The following ZIC3 variants were observed in gnomAD, a reference collection of about 807,000 sequenced individuals.
The protein encoded by ZIC3 is zinc finger protein ZIC 3.
ZIC3 carries 6 observed loss-of-function variants against 18.3 expected under a neutral mutation model. That is an observed-to-expected ratio of 0.33 (90% CI 0.18 to 0.65). The LOEUF is 0.65. Ranked by LOEUF, ZIC3 falls within the 30% of genes least tolerant of loss-of-function variation. The probability of loss-of-function intolerance (pLI) is 0.75; values close to 1 mark genes in which losing one functional copy is unlikely to be tolerated. For synonymous variants in ZIC3, 175 were observed against 177.0 expected, an observed-to-expected ratio of 0.99 and a Z score of 0.09; for missense variants, 260 against 410.0, an observed-to-expected ratio of 0.63 and a Z score of 3.16.
intron 2 of ZIC3, 110 bp from the exon 3 acceptor site, chrX:137,569,781 T>G: frequency 1.4e-6 from 1 of 725,850 alleles, no homozygotes. Context: ...TTCTTTTAAG[T>G]GGGTCACTGG....
At position 137,566,609 on chromosome X, in the gene ZIC3, A is replaced by T; in HGVS notation, c.-83A>T. On this transcript the variant is annotated 5_prime_UTR_variant, in exon 1 of 3. Transcript: ENST00000287538. ...GTCCAACCGCCGCCACCCCTTTCCGACTACGGCACTTCGGAGATCTCCTCC... is the reference window on the plus strand; with the variant it reads ...GTCCAACCGCCGCCACCCCTTTCCGTCTACGGCACTTCGGAGATCTCCTCC... The T allele has an allele frequency of 1.7e-6, 2 of 1,159,282 alleles. No individual in the cohort carries two copies. Among genetic ancestry groups the T allele is most frequent in the Non-Finnish European group, 2.3e-6 (2 of 874,486 alleles).
chrX:137,566,703 C>T lies in ZIC3; in HGVS notation c.12C>T (p.Leu4=). Reference sequence around the variant, plus strand: ...AGAACGTCCCACCCATGACGATGCTCCTGGACGGAGGCCCGCAGTTCCCTG... The same window carrying T: ...AGAACGTCCCACCCATGACGATGCTTCTGGACGGAGGCCCGCAGTTCCCTG... The part of the protein sequence containing the change: MTM[L]LDGGPQFPGL... Residue 4 remains leucine (L), a synonymous_variant, in exon 1 of 3, where the codon CTC becomes CTT. Coordinates refer to ENST00000287538, the MANE Select transcript of ZIC3 (RefSeq NM_003413.4). The T allele has an allele frequency of 8.3e-7, 1 of 1,200,712 alleles. No homozygotes were observed. Among genetic ancestry groups the T allele is most frequent in the Non-Finnish European group, 1.1e-6 (1 of 890,935 alleles).
At chrX:137,568,838 C>T (rs1044488433) in intron 1 of ZIC3, 64 bp from the exon 2 acceptor site, 2 of 1,177,273 alleles carry the variant, frequency 1.7e-6, no homozygotes, top group African/African-American at 3.6e-5. Flanking sequence ...TCTCCTGCTG[C>T]TTGCCTCTGA....
intron 1 of ZIC3, 42 bp from the exon 2 acceptor site, chrX:137,568,860 G>C: frequency 8.3e-7 from 1 of 1,206,001 alleles, no homozygotes; most frequent in Non-Finnish European, 1.1e-6. Flanking sequence ...AAACTCCGGC[G>C]CTGACCGTAT....
downstream of ZIC3, among the ~76,000 whole-genome samples, chrX:137,572,847 A>G (rs1931456894): frequency 9.0e-6 from 1 of 111,707 alleles, no homozygotes; most frequent in South Asian, 3.8e-4. Flanking sequence ...TTTACAGGAA[A>G]GTACTTGAGG....
At chrX:137,572,281 T>C (rs180812967), downstream of ZIC3, among the ~76,000 whole-genome samples, 4 of 112,671 alleles carry the variant, frequency 3.6e-5, no homozygotes, top group African/African-American at 9.6e-5. Context: ...CAGTTTCTAA[T>C]TGCAAATTGC....
At position 137,567,000 on chromosome X, in the gene ZIC3, C is replaced by G; in HGVS notation, c.309C>G (p.Ser103Arg). The change falls in exon 1 of 3, where the codon AGC becomes AGG. Residue 103 changes from serine to arginine, a missense_variant. By Grantham distance (110) the Ser-to-Arg change is moderately radical. This residue lies in a region of ZIC3 where 183 missense variants were observed against 223.8 expected (regional missense o/e 0.82). Coordinates refer to ENST00000287538, the MANE Select transcript of ZIC3 (RefSeq NM_003413.4). ...HHHHHTSQVPSYGGAASAAFN... is the reference protein window; with the variant it reads ...HHHHHTSQVPRYGGAASAAFN... ...ATCACCACACCAGCCAGGTGCCCAG[C>G]TACGGTGGCGCTGCCTCTGCCGCCT... 2 of 1,167,619 alleles carry G rather than the reference C, an allele frequency of 1.7e-6. No homozygotes were observed. The highest frequency in any genetic ancestry group is 2.3e-6 in the Non-Finnish European group (2 of 873,194).
intron 1 of ZIC3, among the ~76,000 whole-genome samples, chrX:137,568,496 G>A (rs779038105): frequency 8.9e-6 from 1 of 112,228 alleles, no homozygotes; most frequent in African/African-American, 3.2e-5. Flanking sequence ...GGCTGAACGG[G>A]ATTGTCCTGT....
At chrX:137,568,339 G>GATCGATCTATCTATCTATCT (rs1175249301) in intron 1 of ZIC3, among the ~76,000 whole-genome samples, 1 of 79,789 alleles carries the variant, frequency 1.3e-5, no homozygotes, top group Non-Finnish European at 2.5e-5. Context: ...TGGATCGATC[G>GATCGATCTATCTATCTATCT]ATCTATCTAT....
At chrX:137,573,763 G>GGAGGCGGCGAGGC, downstream of ZIC3, 1 of 113,450 alleles carries the variant, frequency 8.8e-6, no homozygotes, top group East Asian at 2.8e-4. Flanking sequence ...GGGCCGGGGC[G>GGAGGCGGCGAGGC]GAGGCGGCGA....
Position 137,566,678 on chromosome X carries a change from A to T in ZIC3, c.-14A>T, listed in dbSNP as rs745406810. 1.7e-5 allele frequency: 20 copies of T among 1,198,909 alleles called. No individual in the cohort carries two copies. The highest frequency in any genetic ancestry group is 2.2e-5 in the Non-Finnish European group (20 of 890,913). ...CACTTCGGCCGGATCGCCTGTGCCC[A>T]GAACGTCCCACCCATGACGATGCTC... On this transcript the variant is annotated 5_prime_UTR_variant, in exon 1 of 3. Transcript: ENST00000287538.
At position 137,567,216 on chromosome X, in the gene ZIC3, C is replaced by T; in HGVS notation, c.525C>T (p.Pro175=). 1 of 1,210,292 alleles carries T rather than the reference C, an allele frequency of 8.3e-7. No homozygotes were observed. The highest frequency in any genetic ancestry group is 1.1e-6 in the Non-Finnish European group (1 of 894,806). ...LHEQGAGHPS[P]TGHVDNNQVH... ...AGCAGGGCGCTGGGCACCCGTCGCC[C>T]ACAGGGCACGTGGACAACAACCAGG... Residue 175 remains proline (P), a synonymous_variant, in exon 1 of 3, where the codon CCC becomes CCT. Transcript: ENST00000287538.
In ZIC3 at chrX:137,566,794, A is replaced by G. The variant is rs780929975; in HGVS notation, c.103A>G (p.Met35Val). 3 of 1,177,031 alleles carry G rather than the reference A, an allele frequency of 2.5e-6. No individual in the cohort carries two copies. Among genetic ancestry groups the G allele is most frequent in the Admixed American group, 4.9e-5 (2 of 41,213 alleles). Residue 35 changes from methionine (M) to valine (V), a missense_variant, in exon 1 of 3, where the codon ATG becomes GTG. This residue lies in a region of ZIC3 where 183 missense variants were observed against 223.8 expected (regional missense o/e 0.82). Transcript: ENST00000287538. ...HEMPNREPAG[M>V]GLNPFGDSTH... Reference sequence around the variant, plus strand: ...GATGCCCAACCGTGAGCCGGCAGGCATGGGGCTGAATCCCTTCGGGGACTC... The same window carrying G: ...GATGCCCAACCGTGAGCCGGCAGGCGTGGGGCTGAATCCCTTCGGGGACTC...
At position 137,566,271 on chromosome X, in the gene ZIC3, G is replaced by C. The variant is rs1931336474; in HGVS notation, c.-421G>C. On this transcript the variant is annotated 5_prime_UTR_variant, in exon 1 of 3. Coordinates refer to ENST00000287538, the MANE Select transcript of ZIC3 (RefSeq NM_003413.4). ...CCGCCACTTGGCGCAGCCCAGCCCG[G>C]AGGCCGGTACCCAGGGAGCCTCCTG... 1 of 172,910 alleles carries C rather than the reference G, an allele frequency of 5.8e-6. No individual in the cohort carries two copies. The highest frequency in any genetic ancestry group is 3.0e-5 in the African/African-American group (1 of 32,792). The allele number at this position is 172,910 out of a possible 1,213,427, so 14.2% of individuals were successfully genotyped here. A position where few individuals can be genotyped will look rare whatever the true frequency, so the allele number is the denominator to read the frequency against.
rs768237552 is a variant in ZIC3, at chrX:137,567,156, G to A, written c.465G>A (p.Glu155=). The A allele has an allele frequency of 8.3e-7, 1 of 1,207,349 alleles. No individual in the cohort carries two copies. The highest frequency in any genetic ancestry group is 1.1e-6 in the Non-Finnish European group (1 of 892,744). Residue 155 remains glutamate (E), a synonymous_variant, in exon 1 of 3, where the codon GAG becomes GAA. Coordinates refer to ENST00000287538, the MANE Select transcript of ZIC3 (RefSeq NM_003413.4). The part of the protein sequence containing the change: ...SSLHAPAGIP[E]PPSYLLFPGL... ...TGCATGCTCCAGCTGGCATCCCCGA[G>A]CCCCCTAGCTACTTGCTGTTTCCCG...
At chrX:137,574,501 C>T (rs1023414401), downstream of ZIC3, among the ~76,000 whole-genome samples, 6 of 113,490 alleles carry the variant, frequency 5.3e-5, no homozygotes, top group Non-Finnish European at 1.1e-4. Flanking sequence ...CCAACCCCTC[C>T]CCCGCTTCCC....
downstream of ZIC3, among the ~76,000 whole-genome samples, chrX:137,574,618 C>T (rs1931489679): frequency 8.9e-6 from 1 of 112,455 alleles, no homozygotes; most frequent in Admixed American, 9.2e-5. Flanking sequence ...ACTTCGCAGC[C>T]GTCGAGTCGG....
downstream of ZIC3, among the ~76,000 whole-genome samples, chrX:137,574,764 A>C (rs981704175): frequency 8.9e-6 from 1 of 112,738 alleles, no homozygotes; most frequent in African/African-American, 3.2e-5. Context: ...AGTCGTGAAC[A>C]TGGCGGCCGG....
chrX:137,575,842 CCTT>C (rs780096727), downstream of ZIC3, among the ~76,000 whole-genome samples: 1 of 112,098 alleles, frequency 8.9e-6, no homozygotes, highest in Non-Finnish European at 1.9e-5. Flanking sequence ...TGTCTTTCCT[CCTT>C]TTCAGTGCAC....
Sources: allele counts gnomAD v4.1 joint callset (sites outside exome capture counted in the v4.1 genomes callset), GRCh38; gene constraint gnomAD v4.1.1; regional missense constraint gnomAD v4.1.1; transcripts MANE v1.5; gene names NCBI Gene and HGNC (gene_info 2026-07-23, HGNC 2026-07-21).